LMO3: variants seen among roughly 807,000 people sequenced by gnomAD.
LMO3 encodes the protein LIM domain only 3.
Under a neutral mutation model 15.8 loss-of-function variants are expected in LMO3, and 2 were observed. The observed-to-expected ratio is 0.13, with a 90% confidence interval of 0.05 to 0.40. The LOEUF (loss-of-function observed/expected upper bound fraction) is 0.40. Among genes scored for constraint, LMO3 ranks in the 10% least tolerant of loss-of-function variants. The pLI, the probability that LMO3 is intolerant of heterozygous loss-of-function variation, is 0.99. For synonymous variants in LMO3, 62 were observed against 63.8 expected (o/e 0.97, Z 0.13); for missense variants, 86 against 182.2 (o/e 0.47, Z 3.04).
In LMO3 at chr12:16,587,284, A is replaced by G. The variant is rs1011079702; in HGVS notation, c.206+13371T>C. ...AATCACTGGGTGTGCCTAGGATCCA[A>G]TGCTAACAATTTGTTACGCACTGCA... On this transcript the variant is annotated intron_variant, in intron 2 of 3. Transcript: ENST00000537304. This position sits in a 1 kb window ranked among gnomAD's most constrained non-coding sequence, Gnocchi z 4.3. 2.0e-5 allele frequency among the ~76,000 whole-genome samples: 3 copies of G among 152,200 alleles called. No individual in the cohort carries two copies. Among genetic ancestry groups the G allele is most frequent in the African/African-American group, 7.2e-5 (3 of 41,460 alleles).
intron 2 of LMO3, among the ~76,000 whole-genome samples, chr12:16,592,687 A>T (rs1943531387): frequency 6.6e-6 from 1 of 151,944 alleles, no homozygotes. Context: ...AACAAAAAAT[A>T]AGTGGTATGC....
intron 3 of LMO3, among the ~76,000 whole-genome samples, chr12:16,558,695 T>C (rs1330460403): frequency 2.0e-5 from 3 of 152,140 alleles, no homozygotes; most frequent in Admixed American, 1.3e-4. Flanking sequence ...GGGTAACTAT[T>C]ACATTATAAG....
At chr12:16,572,339 CTTTTT>C (rs59773866) in intron 2 of LMO3, among the ~76,000 whole-genome samples, 22 of 89,530 alleles carry the variant, frequency 2.5e-4, no homozygotes, top group East Asian at 2.1e-3. Flanking sequence ...GGTCCAAACT[CTTTTT>C]TTTTTTTTTT....
Position 16,551,193 on chromosome 12 carries a change from T to A in LMO3, c.*29A>T. The A allele has an allele frequency of 7.5e-7, 1 of 1,338,282 alleles. No individual in the cohort carries two copies. Among genetic ancestry groups the A allele is most frequent in the Non-Finnish European group, 1.1e-6 (1 of 928,666 alleles). 82.9% of individuals were successfully genotyped at this position (1,338,282 alleles called of 1,614,324 possible). ...AAAAAGATAAAAGAATGTAGTGCTTTGTATTCTTAATGGGGTGATGTTGAT... is the reference window on the plus strand; with the variant it reads ...AAAAAGATAAAAGAATGTAGTGCTTAGTATTCTTAATGGGGTGATGTTGAT... On this transcript the variant is annotated 3_prime_UTR_variant, in exon 4 of 4. Transcript: ENST00000537304.
Position 16,576,292 on chromosome 12 carries a change from T to G in LMO3, c.207-15754A>C, listed in dbSNP as rs1350200075. ...CATGAAAGGTCCATCCTGTCTGTCT[T>G]CTTTTCTGTCTTCTATCCCATCACT... is the stretch of plus-strand genomic sequence containing the variant. On this transcript the variant is annotated intron_variant, in intron 2 of 3. Coordinates refer to ENST00000537304, the MANE Select transcript of LMO3 (RefSeq NM_018640.5). The surrounding 1 kb of genome is among the most constrained non-coding windows in gnomAD (Gnocchi z 4.1). Among the ~76,000 whole-genome samples the G allele has an allele frequency of 3.3e-5, 5 of 152,126 alleles. No individual in the cohort carries two copies. The South Asian group carries it at 6.2e-4, about 19-fold the overall frequency.
At chr12:16,565,806 A>T (rs1013978822) in intron 2 of LMO3, among the ~76,000 whole-genome samples, 5 of 151,222 alleles carry the variant, frequency 3.3e-5, no homozygotes, top group Admixed American at 3.3e-4. Flanking sequence ...AAAATTAAAA[A>T]CAGAACTACC....
At chr12:16,551,602 T>G (rs1476464128) in intron 3 of LMO3, among the ~76,000 whole-genome samples, 1 of 151,808 alleles carries the variant, frequency 6.6e-6, no homozygotes, top group Admixed American at 6.6e-5. Flanking sequence ...GCTTTTTTTT[T>G]TTTTAAACCA....
chr12:16,556,652 C>T (rs903113959), intron 3 of LMO3, among the ~76,000 whole-genome samples: 12 of 152,232 alleles, frequency 7.9e-5, no homozygotes, highest in African/African-American at 2.9e-4. Context: ...TGCAATATTG[C>T]GACAATGATT....
chr12:16,600,307 A>G lies in LMO3; in HGVS notation c.206+348T>C, dbSNP rs558450688. On this transcript the variant is annotated intron_variant, in intron 2 of 3. Coordinates refer to ENST00000537304, the MANE Select transcript of LMO3 (RefSeq NM_018640.5). ...CTTAAGCTCCAAAAAAAAAAAAAAA[A>G]AAAAAAAAGAAAAAAAAGAAAAAAT... The G allele has an allele frequency of 1.7e-4, 27 of 162,178 alleles. No homozygotes were observed. The South Asian group carries it at 2.0e-3, about 12-fold the overall frequency. 10.0% of individuals were successfully genotyped at this position (162,178 alleles called of 1,614,324 possible).
At chr12:16,558,338 G>A (rs1456612816) in intron 3 of LMO3, among the ~76,000 whole-genome samples, 2 of 151,972 alleles carry the variant, frequency 1.3e-5, no homozygotes, top group Non-Finnish European at 1.5e-5. Flanking sequence ...CTATGAATAT[G>A]TAATCTTTTA....
Position 16,560,736 on chromosome 12 carries a change from A to C in LMO3, c.207-198T>G. ...CCGTTGACCTTCCTTGATGAAAATC[A>C]CATCTTGTTTGAGAAGAAAAGGAAA... On this transcript the variant is annotated intron_variant, in intron 2 of 3. Transcript: ENST00000537304. This position sits in a 1 kb window ranked among gnomAD's most constrained non-coding sequence, Gnocchi z 5.0. The C allele has an allele frequency of 1.6e-6, 1 of 607,730 alleles. No homozygotes were observed. Among genetic ancestry groups the C allele is most frequent in the Admixed American group, 2.5e-5 (1 of 39,604 alleles). 37.6% of individuals were successfully genotyped at this position (607,730 alleles called of 1,614,324 possible).
At chr12:16,607,804 T>G (rs1471935316), upstream of LMO3, 2 of 151,398 alleles carry the variant, frequency 1.3e-5, no homozygotes, top group Non-Finnish European at 2.9e-5. Context: ...CTAAATTTTG[T>G]TTTTCTTCAT....
rs995075314 is a variant in LMO3, at chr12:16,560,705, T to C, written c.207-167A>G. ...TATGCATAAATATTCTTCTGCAATA[T>C]ATTCTCCGTTGACCTTCCTTGATGA... On this transcript the variant is annotated intron_variant, in intron 2 of 3. Coordinates refer to ENST00000537304, the MANE Select transcript of LMO3 (RefSeq NM_018640.5). The surrounding 1 kb of genome is among the most constrained non-coding windows in gnomAD (Gnocchi z 5.0). The C allele has an allele frequency of 1.2e-5, 8 of 650,728 alleles. No homozygotes were observed. The African/African-American group carries it at 1.5e-4, about 12-fold the overall frequency. The allele number at this position is 650,728 out of a possible 1,614,324, so 40.3% of individuals were successfully genotyped here.
In LMO3 at chr12:16,591,164, C is replaced by T. The variant is rs889880907; in HGVS notation, c.206+9491G>A. ...GTGGTACCATAGACCTACACAGTGA[C>T]TACCCCTTATTCTTGCCCCTCCTGC... On this transcript the variant is annotated intron_variant, in intron 2 of 3. Coordinates refer to ENST00000537304, the MANE Select transcript of LMO3 (RefSeq NM_018640.5). This position sits in a 1 kb window ranked among gnomAD's most constrained non-coding sequence, Gnocchi z 4.1. 2.0e-5 allele frequency among the ~76,000 whole-genome samples: 3 copies of T among 152,024 alleles called. No homozygotes were observed. The highest frequency in any genetic ancestry group is 7.2e-5 in the African/African-American group (3 of 41,406).
At chr12:16,574,543 A>G (rs1942932316) in intron 2 of LMO3, among the ~76,000 whole-genome samples, 1 of 152,258 alleles carries the variant, frequency 6.6e-6, no homozygotes, top group East Asian at 1.9e-4. Context: ...CACTTAACCA[A>G]TGATGTGTTT....
At position 16,560,629 on chromosome 12, in the gene LMO3, C is replaced by A; in HGVS notation, c.207-91G>T. On this transcript the variant is annotated intron_variant, in intron 2 of 3. Transcript: ENST00000537304. The surrounding 1 kb of genome is among the most constrained non-coding windows in gnomAD (Gnocchi z 5.0). The stretch of plus-strand genomic sequence containing the variant: ...GATGATGTTAATATACTCTGTAAAG[C>A]TACAATACACAATGCTTTATGATGT... 8.9e-7 allele frequency: 1 copy of A among 1,126,298 alleles called. No individual in the cohort carries two copies. The highest frequency in any genetic ancestry group is 2.1e-5 in the Admixed American group (1 of 46,922). The allele number at this position is 1,126,298 out of a possible 1,614,324, so 69.8% of individuals were successfully genotyped here.
At position 16,593,856 on chromosome 12, in the gene LMO3, C is replaced by A. The variant is rs1048165025; in HGVS notation, c.206+6799G>T. On this transcript the variant is annotated intron_variant, in intron 2 of 3. Transcript: ENST00000537304. This position sits in a 1 kb window ranked among gnomAD's most constrained non-coding sequence, Gnocchi z 4.2. Reference sequence around the variant, plus strand: ...CTTCAAAATAAGCTTCGTGTAAGCACCTTGAAAAGGGAAATACATGGTTAA... The same window carrying A: ...CTTCAAAATAAGCTTCGTGTAAGCAACTTGAAAAGGGAAATACATGGTTAA... 6.6e-6 allele frequency among the ~76,000 whole-genome samples: 1 copy of A among 151,638 alleles called. No homozygotes were observed. The highest frequency in any genetic ancestry group is 1.5e-5 in the Non-Finnish European group (1 of 67,738).
chr12:16,549,808 T>C lies in LMO3; in HGVS notation c.*1414A>G, dbSNP rs931060237. 6.6e-6 allele frequency: 1 copy of C among 152,110 alleles called. No individual in the cohort carries two copies. Among genetic ancestry groups the C allele is most frequent in the African/African-American group, 2.4e-5 (1 of 41,438 alleles). 9.4% of individuals were successfully genotyped at this position (152,110 alleles called of 1,614,324 possible). On this transcript the variant is annotated 3_prime_UTR_variant, in exon 4 of 4. Transcript: ENST00000537304. ...GGGGATCATATTCTCATTTCCTTAA[T>C]TGTAATTTAAATAATCATTCTCCAT... is the stretch of plus-strand genomic sequence containing the variant.
At position 16,560,786 on chromosome 12, in the gene LMO3, G is replaced by C. The variant is rs183333370; in HGVS notation, c.207-248C>G. On this transcript the variant is annotated intron_variant, in intron 2 of 3. Transcript: ENST00000537304. The surrounding 1 kb of genome is among the most constrained non-coding windows in gnomAD (Gnocchi z 5.0). ...AAGACAAATACATTAGGAAGCTTAC[G>C]TAACTGCACATAAACAGAAGTCAAT... The C allele has an allele frequency of 2.3e-5, 12 of 514,966 alleles. No individual in the cohort carries two copies. The African/African-American group carries it at 2.3e-4, about 10-fold the overall frequency. 31.9% of individuals were successfully genotyped at this position (514,966 alleles called of 1,614,324 possible). A position where few individuals can be genotyped will look rare whatever the true frequency, so the allele number is the denominator to read the frequency against.
Sources: allele counts gnomAD v4.1 joint callset (sites outside exome capture counted in the v4.1 genomes callset), GRCh38; gene constraint gnomAD v4.1.1; non-coding constraint Gnocchi (gnomAD v3.1); transcripts MANE v1.5; gene names NCBI Gene and HGNC (gene_info 2026-07-23, HGNC 2026-07-21).